ATP10B: variants seen among roughly 807,000 people sequenced by gnomAD.
ATP10B encodes the protein ATPase phospholipid transporting 10B (putative).
Under a neutral mutation model 141.2 loss-of-function variants are expected in ATP10B, and 122 were observed. The ratio of observed to expected loss-of-function variants is 0.86; its 90% CI spans 0.75 to 1.00. The LOEUF (loss-of-function observed/expected upper bound fraction) is 1.00. ATP10B is among the 50% of genes least tolerant of loss of function. The probability of loss-of-function intolerance (pLI) is 0.00; values close to 1 mark genes in which losing one functional copy is unlikely to be tolerated. For synonymous variants in ATP10B, 685 were observed against 692.0 expected (o/e 0.99, Z 0.16); for missense variants, 1,876 against 1,825.3 (o/e 1.03, Z -0.51).
chr5:160,685,017 G>C, intron 6 of ATP10B: 1 of 703,546 alleles, frequency 1.4e-6, no homozygotes. Flanking sequence ...CCACAAAATA[G>C]AGATTGGCAA....
intron 1 of ATP10B, among the ~76,000 whole-genome samples, chr5:160,828,770 C>T (rs1295739095): frequency 1.5e-4 from 23 of 151,644 alleles, no homozygotes; most frequent in East Asian, 5.8e-4. Context: ...ATGTTTATTG[C>T]GGCACTATTC....
chr5:160,847,440 T>G (rs1236061672), intron 1 of ATP10B, among the ~76,000 whole-genome samples: 1 of 152,196 alleles, frequency 6.6e-6, no homozygotes, highest in Non-Finnish European at 1.5e-5. Context: ...TGACCCCTTA[T>G]GTATTGCTGC....
intron 1 of ATP10B, among the ~76,000 whole-genome samples, chr5:160,829,642 C>G (rs774386810): frequency 2.0e-5 from 3 of 152,004 alleles, no homozygotes; most frequent in Non-Finnish European, 4.4e-5. Context: ...TTCCAGTAGT[C>G]TTTGTAGTTT....
intron 22 of ATP10B, among the ~76,000 whole-genome samples, chr5:160,592,106 C>T (rs2127613563): frequency 6.6e-6 from 1 of 152,240 alleles, no homozygotes; most frequent in South Asian, 2.1e-4. Flanking sequence ...AGTGTGGCCT[C>T]TCTGGGCCTC....
At chr5:160,717,691 AG>A (rs1442160668) in intron 2 of ATP10B, among the ~76,000 whole-genome samples, 1 of 152,210 alleles carries the variant, frequency 6.6e-6, no homozygotes, top group Non-Finnish European at 1.5e-5. Flanking sequence ...AGAGGAAACT[AG>A]GGCTCAGTAA....
chr5:160,830,940 A>ATCTC (rs140435010), intron 1 of ATP10B, among the ~76,000 whole-genome samples: 40 of 139,724 alleles, frequency 2.9e-4, no homozygotes, highest in African/African-American at 5.5e-4. Context: ...CCTCTTCTCA[A>ATCTC]TCTCTCTCTC....
intron 6 of ATP10B, among the ~76,000 whole-genome samples, chr5:160,672,213 G>C (rs1308775587): frequency 2.0e-5 from 3 of 152,044 alleles, no homozygotes; most frequent in African/African-American, 7.2e-5. Flanking sequence ...CTGACCTCAA[G>C]TGATCCTCCT....
At chr5:160,923,369 A>C in the ATP10B span, among the ~76,000 whole-genome samples, 1 of 152,200 alleles carries the variant, frequency 6.6e-6, no homozygotes, top group African/African-American at 2.4e-5. Context: ...CTGCCATTTA[A>C]TAGGCACTTA....
At chr5:160,850,901 CAGTG>C (rs1753768811) in intron 1 of ATP10B, among the ~76,000 whole-genome samples, 1 of 152,192 alleles carries the variant, frequency 6.6e-6, no homozygotes, top group African/African-American at 2.4e-5. Flanking sequence ...ATGACAAACT[CAGTG>C]GGTGTTATTA....
intron 7 of ATP10B, among the ~76,000 whole-genome samples, chr5:160,668,093 G>T (rs1762431473): frequency 6.6e-6 from 1 of 152,032 alleles, no homozygotes; most frequent in Non-Finnish European, 1.5e-5. Flanking sequence ...TTAGCTGGGT[G>T]TGGTAGTGCA....
chr5:160,595,812 G>A (rs980082617), intron 22 of ATP10B, among the ~76,000 whole-genome samples: 19 of 150,734 alleles, frequency 1.3e-4, no homozygotes, highest in East Asian at 1.9e-4. Context: ...TAAATTCCTC[G>A]ACACATACAC....
Position 160,606,824 on chromosome 5 carries a change from T to C in ATP10B, c.3101A>G (p.Gln1034Arg). The C allele has an allele frequency of 6.2e-7, 1 of 1,614,162 alleles. No homozygotes were observed. The highest frequency in any genetic ancestry group is 1.3e-5 in the African/African-American group (1 of 75,038). ...CACCAGCTTGACTATCATACTCTTCTGGAGTGGCGTGGAGCGGCAGCACAG... is the reference window on the plus strand; with the variant it reads ...CACCAGCTTGACTATCATACTCTTCCGGAGTGGCGTGGAGCGGCAGCACAG... Reference protein sequence around the residue: ...SVLCCRSTPLQKSMIVKLVRD... With the variant: ...SVLCCRSTPLRKSMIVKLVRD... Residue 1034 changes from glutamine to arginine, a missense_variant, in exon 19 of 26, where the codon CAG (glutamine) becomes CGG (arginine). Physicochemically the swap from Gln to Arg is conservative, Grantham distance 43. Transcript: ENST00000327245.
chr5:160,899,137 G>T, the ATP10B span, among the ~76,000 whole-genome samples: 1 of 151,902 alleles, frequency 6.6e-6, no homozygotes, highest in East Asian at 1.9e-4. Context: ...AGAACTTAAG[G>T]TATAATAAAA....
chr5:160,578,660 T>A (rs548299411), intron 24 of ATP10B, among the ~76,000 whole-genome samples: 1 of 152,342 alleles, frequency 6.6e-6, no homozygotes, highest in African/African-American at 2.4e-5. Context: ...CGTGTGTGCA[T>A]GTGTCTTTAT....
At chr5:160,879,955 G>A in the ATP10B span, among the ~76,000 whole-genome samples, 1 of 151,904 alleles carries the variant, frequency 6.6e-6, no homozygotes. Flanking sequence ...ACCAACAATA[G>A]TCAAGTGGAA....
At chr5:160,824,057 T>C (rs1183814166) in intron 1 of ATP10B, among the ~76,000 whole-genome samples, 1 of 152,072 alleles carries the variant, frequency 6.6e-6, no homozygotes, top group Non-Finnish European at 1.5e-5. Context: ...AGTCTGGCTC[T>C]GTCACCCAGG....
chr5:160,847,859 C>T (rs1398456090), intron 1 of ATP10B, among the ~76,000 whole-genome samples: 1 of 152,120 alleles, frequency 6.6e-6, no homozygotes, highest in Non-Finnish European at 1.5e-5. Flanking sequence ...AATCTATTTT[C>T]TAGTGTCGGT....
chr5:160,796,851 G>A (rs765276178), intron 1 of ATP10B, among the ~76,000 whole-genome samples: 2 of 152,192 alleles, frequency 1.3e-5, no homozygotes, highest in Non-Finnish European at 2.9e-5. Context: ...GGGAGAAAAG[G>A]TGGCTCTTCC....
the ATP10B span, among the ~76,000 whole-genome samples, chr5:160,913,265 C>T: frequency 2.0e-5 from 3 of 152,154 alleles, no homozygotes; most frequent in South Asian, 2.1e-4. Context: ...TCAGTAGGAC[C>T]GGCTGCTCCC....
Sources: gnomAD v4.1 joint callset for allele counts (sites outside exome capture counted in the v4.1 genomes callset) on GRCh38, gnomAD v4.1.1 for gene constraint, MANE v1.5 for transcripts, NCBI Gene and HGNC (gene_info 2026-07-23, HGNC 2026-07-21) for gene names.